The following PCLO variants were observed in gnomAD, a reference collection of about 807,000 sequenced individuals.
PCLO encodes protein piccolo.
PCLO carries 82 observed loss-of-function variants against 427.5 expected under a neutral mutation model. The observed-to-expected ratio is 0.19, with a 90% CI of 0.16 to 0.23. The LOEUF is 0.23. Ranked by LOEUF, PCLO falls within the 10% of genes least tolerant of loss-of-function variation. The pLI is 1.00. For missense variants in PCLO, 6,239 were observed against 6,115.9 expected (o/e 1.02, Z -0.67); for synonymous variants, 2,357 against 2,155.4 (o/e 1.09, Z -2.59).
chr7:83,018,271 G>C (rs1788258134), intron 3 of PCLO, among the ~76,000 whole-genome samples: 1 of 151,790 alleles, frequency 6.6e-6, no homozygotes, highest in African/African-American at 2.4e-5. Context: ...GTGAAAAAGA[G>C]AAAATATAAA....
chr7:83,092,291 C>G (rs1250049478), intron 3 of PCLO, among the ~76,000 whole-genome samples: 2 of 152,132 alleles, frequency 1.3e-5, no homozygotes, highest in African/African-American at 4.8e-5. Context: ...AGATTCTCTA[C>G]AAAACTTGAA....
chr7:82,755,940 G>T lies in PCLO; in HGVS notation c.*2635C>A, dbSNP rs565759757. On this transcript the variant is annotated 3_prime_UTR_variant, in exon 25 of 25. Transcript: ENST00000333891. ...GAAGGGGAATGCTGGTGCACAAAAAGAAGCCCTGTTGTCAACTCTGCTGAT... is the reference window on the plus strand; with the variant it reads ...GAAGGGGAATGCTGGTGCACAAAAATAAGCCCTGTTGTCAACTCTGCTGAT... 2 of 152,220 alleles carry T rather than the reference G, an allele frequency of 1.3e-5. No homozygotes were observed. The highest frequency in any genetic ancestry group is 6.5e-5 in the Admixed American group (1 of 15,274). 9.4% of individuals were successfully genotyped at this position (152,220 alleles called of 1,614,324 possible).
intron 3 of PCLO, among the ~76,000 whole-genome samples, chr7:83,036,368 A>G (rs1261411695): frequency 6.6e-6 from 1 of 152,148 alleles, no homozygotes; most frequent in Non-Finnish European, 1.5e-5. Context: ...TCTGGAGATC[A>G]CACTTTGAAA....
chr7:82,945,711 C>G (rs1795187260), intron 6 of PCLO, among the ~76,000 whole-genome samples: 1 of 152,162 alleles, frequency 6.6e-6, no homozygotes, highest in Non-Finnish European at 1.5e-5. Flanking sequence ...ACCTGCCTCT[C>G]TGATTCATCC....
chr7:82,766,385 T>C (rs1372664291), intron 22 of PCLO, among the ~76,000 whole-genome samples: 1 of 151,918 alleles, frequency 6.6e-6, no homozygotes, highest in Non-Finnish European at 1.5e-5. Flanking sequence ...AATCAAATGG[T>C]AAAAGAGGTA....
In PCLO at chr7:83,142,778, G is replaced by A. The variant is rs185942852; in HGVS notation, c.1894-7122C>T. 7.9e-5 allele frequency among the ~76,000 whole-genome samples: 12 copies of A among 152,242 alleles called. No individual in the cohort carries two copies. In the East Asian group the frequency reaches 2.3e-3, roughly 30 times the overall value. On this transcript the variant is annotated intron_variant, in intron 2 of 24. Coordinates refer to ENST00000333891, the MANE Select transcript of PCLO (RefSeq NM_033026.6). ...GTCCAAAACCAGCCTGGCCAATATG[G>A]TGAAACCCCGTCTCTACTAAAAATA...
chr7:82,789,810 A>G (rs1056278821), intron 22 of PCLO, among the ~76,000 whole-genome samples: 3 of 152,206 alleles, frequency 2.0e-5, no homozygotes, highest in African/African-American at 4.8e-5. Flanking sequence ...TAGTCAATTT[A>G]TTTCTTCAAA....
intron 3 of PCLO, among the ~76,000 whole-genome samples, chr7:83,022,734 A>G (rs958483272): frequency 2.0e-5 from 3 of 152,196 alleles, no homozygotes; most frequent in Non-Finnish European, 2.9e-5. Context: ...GCCTGCAATG[A>G]ATGAGTTCTT....
intron 10 of PCLO, among the ~76,000 whole-genome samples, chr7:82,871,411 A>G (rs555171112): frequency 6.8e-6 from 1 of 146,700 alleles, no homozygotes; most frequent in East Asian, 2.0e-4. Context: ...AATTGATCTC[A>G]TTAATATAGT....
At chr7:82,888,250 G>A (rs1793675180) in intron 9 of PCLO, among the ~76,000 whole-genome samples, 1 of 152,076 alleles carries the variant, frequency 6.6e-6, no homozygotes, top group African/African-American at 2.4e-5. Context: ...TGTACTGAGG[G>A]TGACAGTTTT....
At chr7:82,887,300 CA>C (rs1182316392) in intron 9 of PCLO, among the ~76,000 whole-genome samples, 1 of 152,164 alleles carries the variant, frequency 6.6e-6, no homozygotes, top group Non-Finnish European at 1.5e-5. Flanking sequence ...CTTTGATCAT[CA>C]CTCTAATTGT....
intron 16 of PCLO, among the ~76,000 whole-genome samples, chr7:82,828,784 GC>G (rs2115693168): frequency 6.6e-6 from 1 of 152,240 alleles, no homozygotes; most frequent in South Asian, 2.1e-4. Context: ...ACCAAATGGT[GC>G]CCACACAGAC....
intron 20 of PCLO, chr7:82,821,211 G>C: frequency 1.0e-6 from 1 of 990,060 alleles, no homozygotes; most frequent in Non-Finnish European, 1.2e-6. Context: ...TTATCAGACT[G>C]AGTTCTTTGA....
In PCLO at chr7:83,002,910, AT is replaced by A. The variant is rs573728719; in HGVS notation, c.3301-36424del. On this transcript the variant is annotated intron_variant, in intron 3 of 24. Coordinates refer to ENST00000333891, the MANE Select transcript of PCLO (RefSeq NM_033026.6). ...AAAAATAACAATATTAACATAATAT[AT>A]TTTCCCTATTTATATTATAAAAATA... is the stretch of plus-strand genomic sequence containing the variant. Among the ~76,000 whole-genome samples, 160 of 151,756 alleles carry A rather than the reference AT, an allele frequency of 1.1e-3. 1 individual carries two copies. Among genetic ancestry groups the A allele is most frequent in the African/African-American group, 3.8e-3 (159 of 41,496 alleles).
chr7:82,828,632 T>C (rs1320692272), intron 16 of PCLO, among the ~76,000 whole-genome samples: 1 of 152,234 alleles, frequency 6.6e-6, no homozygotes, highest in Non-Finnish European at 1.5e-5. Context: ...CCATTTCCTC[T>C]GAGCACCAAT....
intron 10 of PCLO, among the ~76,000 whole-genome samples, chr7:82,873,826 TGG>T (rs1286946491): frequency 9.2e-5 from 8 of 87,388 alleles, no homozygotes; most frequent in African/African-American, 2.3e-4. Flanking sequence ...ATTGGGGGGG[TGG>T]TTTCTGTCAG....
At chr7:82,964,299 T>G (rs1795717455) in intron 4 of PCLO, among the ~76,000 whole-genome samples, 1 of 152,048 alleles carries the variant, frequency 6.6e-6, no homozygotes. Context: ...AGGTGCTTGA[T>G]GGTGAAACAG....
intron 3 of PCLO, among the ~76,000 whole-genome samples, chr7:83,083,701 T>C (rs1168122560): frequency 6.6e-6 from 1 of 151,960 alleles, no homozygotes; most frequent in Non-Finnish European, 1.5e-5. Flanking sequence ...AAAAAGTATA[T>C]CCCTAAGTCT....
intron 22 of PCLO, among the ~76,000 whole-genome samples, chr7:82,762,051 A>C (rs945399666): frequency 6.6e-6 from 1 of 152,060 alleles, no homozygotes; most frequent in Admixed American, 6.6e-5. Context: ...TGTGCTAAGC[A>C]CTCCACTAGG....
Sources: allele counts gnomAD v4.1 joint callset (sites outside exome capture counted in the v4.1 genomes callset), GRCh38; gene constraint gnomAD v4.1.1; transcripts MANE v1.5; gene names NCBI Gene and HGNC (gene_info 2026-07-23, HGNC 2026-07-21).